RBFOX1: variants seen among roughly 807,000 people sequenced by gnomAD.
RBFOX1 encodes RNA binding fox-1 homolog 1.
Under a neutral mutation model 57.7 loss-of-function variants are expected in RBFOX1, and 8 were observed. That is an observed-to-expected ratio of 0.14 (90% confidence interval 0.08 to 0.25). RBFOX1 has a LOEUF of 0.25. RBFOX1 is among the 10% of genes least tolerant of loss of function. RBFOX1 has a pLI of 1.00. For missense variants in RBFOX1, 611 were observed against 548.5 expected (o/e 1.11, Z -1.14); for synonymous variants, 326 against 222.4 (o/e 1.47, Z -4.15).
intron 4 of RBFOX1, among the ~76,000 whole-genome samples, chr16:7,223,649 C>G (rs993121099): frequency 1.4e-5 from 2 of 145,780 alleles, no homozygotes; most frequent in South Asian, 2.2e-4. Flanking sequence ...ATTTCAGTGT[C>G]TTATGTTTCA....
intron 3 of RBFOX1, among the ~76,000 whole-genome samples, chr16:6,743,411 C>T (rs2072776226): frequency 6.6e-6 from 1 of 152,102 alleles, no homozygotes; most frequent in Non-Finnish European, 1.5e-5. Context: ...AAATTATAGG[C>T]TGTGTTATAA....
intron 3 of RBFOX1, among the ~76,000 whole-genome samples, chr16:7,029,539 A>G (rs1439288847): frequency 6.6e-6 from 1 of 152,020 alleles, no homozygotes; most frequent in East Asian, 1.9e-4. Context: ...TAAGAAATCT[A>G]ATATTTTACC....
Position 6,412,137 on chromosome 16 carries a change from AAAAAAAAC to A in RBFOX1, c.-64+95104_-64+95111del, listed in dbSNP as rs900812828. 1.8e-3 allele frequency among the ~76,000 whole-genome samples: 260 copies of A among 144,522 alleles called. 1 individual carries two copies. Among genetic ancestry groups the A allele is most frequent in the African/African-American group, 5.1e-3 (195 of 38,178 alleles). 94.8% of individuals were successfully genotyped at this position (144,522 alleles called of 152,430 possible). ...AATAGTGCAAGACTCCATGTAAAAAAAAAAAAACAAAAAAACAAAAAAACAAAAAAAAA... is the reference window on the plus strand; with the variant it reads ...AATAGTGCAAGACTCCATGTAAAAAAAAAAAAACAAAAAAACAAAAAAAAA... On this transcript the variant is annotated intron_variant, in intron 2 of 15. Coordinates refer to ENST00000550418, the MANE Select transcript of RBFOX1 (RefSeq NM_018723.4).
At chr16:6,617,593 G>A (rs1012216006) in intron 2 of RBFOX1, among the ~76,000 whole-genome samples, 3 of 152,090 alleles carry the variant, frequency 2.0e-5, no homozygotes, top group African/African-American at 7.2e-5. Context: ...CCACTTACAT[G>A]TGGGGGTTCC....
At chr16:7,363,468 C>T (rs567321812) in intron 4 of RBFOX1, among the ~76,000 whole-genome samples, 27 of 151,376 alleles carry the variant, frequency 1.8e-4, no homozygotes, top group Middle Eastern at 3.4e-3. Flanking sequence ...AATCCTTCCT[C>T]CGAGGTCACC....
At chr16:7,218,605 G>C (rs1251927164) in intron 4 of RBFOX1, among the ~76,000 whole-genome samples, 1 of 149,454 alleles carries the variant, frequency 6.7e-6, no homozygotes, top group Non-Finnish European at 1.5e-5. Context: ...GACGTGATTT[G>C]ACTTAGGGTT....
At chr16:5,736,270 A>G (rs1449479087) in intron 3 of RBFOX1, among the ~76,000 whole-genome samples, 1 of 152,158 alleles carries the variant, frequency 6.6e-6, no homozygotes, top group African/African-American at 2.4e-5. Context: ...TTTGGGAAGT[A>G]TGGGGTATAG....
At chr16:7,409,481 C>T (rs1404117358) in intron 4 of RBFOX1, among the ~76,000 whole-genome samples, 1 of 152,216 alleles carries the variant, frequency 6.6e-6, no homozygotes, top group Non-Finnish European at 1.5e-5. Flanking sequence ...CAGCACAGGG[C>T]TCCTGAACAC....
At chr16:6,780,805 T>G (rs915055019) in intron 3 of RBFOX1, among the ~76,000 whole-genome samples, 1 of 151,972 alleles carries the variant, frequency 6.6e-6, no homozygotes, top group Non-Finnish European at 1.5e-5. Context: ...GAGAATTGTC[T>G]ATTCAGATGT....
At chr16:7,600,815 C>T (rs1380953300) in intron 9 of RBFOX1, among the ~76,000 whole-genome samples, 1 of 152,150 alleles carries the variant, frequency 6.6e-6, no homozygotes, top group African/African-American at 2.4e-5. Context: ...TAGAGGGTTA[C>T]AGTTAATAAC....
intron 4 of RBFOX1, among the ~76,000 whole-genome samples, chr16:7,488,145 C>T (rs559779257): frequency 1.6e-4 from 24 of 152,218 alleles, no homozygotes; most frequent in African/African-American, 4.8e-4. Context: ...TGTGTCCCTG[C>T]GTGATTGTGA....
rs1010828427 is a variant in RBFOX1, at chr16:6,350,409, C to A, written c.-64+33352C>A. ...TGAGCCGAGATCGCACCATTGCGCT[C>A]CAGCCTGGGCAACAAGAGTGAAACT... is the stretch of plus-strand genomic sequence containing the variant. On this transcript the variant is annotated intron_variant, in intron 2 of 15. Coordinates refer to ENST00000550418, the MANE Select transcript of RBFOX1 (RefSeq NM_018723.4). 3.1e-5 allele frequency among the ~76,000 whole-genome samples: 4 copies of A among 127,208 alleles called. No homozygotes were observed. In the South Asian group the frequency reaches 1.0e-3, roughly 33 times the overall value. 83.5% of individuals were successfully genotyped at this position (127,208 alleles called of 152,430 possible). A position where few individuals can be genotyped will look rare whatever the true frequency, so the allele number is the denominator to read the frequency against.
intron 1 of RBFOX1, among the ~76,000 whole-genome samples, chr16:6,101,779 T>A (rs1172169967): frequency 1.3e-5 from 2 of 152,194 alleles, no homozygotes; most frequent in Non-Finnish European, 2.9e-5. Context: ...ATTATTTTTA[T>A]TGTCCTGGAA....
intron 3 of RBFOX1, among the ~76,000 whole-genome samples, chr16:7,037,570 G>T (rs994127389): frequency 2.0e-5 from 3 of 152,144 alleles, no homozygotes; most frequent in Admixed American, 1.3e-4. Context: ...AACAACAAAT[G>T]GACTACTGAA....
chr16:7,552,174 C>G (rs923242732), intron 5 of RBFOX1, among the ~76,000 whole-genome samples: 1 of 152,172 alleles, frequency 6.6e-6, no homozygotes, highest in African/African-American at 2.4e-5. Context: ...CTTCCTTCAT[C>G]CTTAGATTTT....
intron 3 of RBFOX1, among the ~76,000 whole-genome samples, chr16:7,002,379 T>C (rs188944568): frequency 1.9e-4 from 29 of 152,176 alleles, no homozygotes; most frequent in African/African-American, 6.8e-4. Flanking sequence ...GATATGAAGG[T>C]TTTCTGTTTA....
rs75065412 is a variant in RBFOX1, at chr16:5,862,820, G to A, written c.319-4483G>A. 7.1e-3 allele frequency among the ~76,000 whole-genome samples: 1,086 copies of A among 152,248 alleles called. 15 individuals are homozygous for A. Among genetic ancestry groups the A allele is most frequent in the African/African-American group, 0.025 (1,044 of 41,558 alleles). ...TAAAAGTTATACAGGGTAGCCCCAC[G>A]CTGTTCAGCATGGAAGGCACACACC... On this transcript the variant is annotated intron_variant, in intron 3 of 19. Coordinates refer to the RBFOX1 transcript ENST00000641259.
At chr16:6,595,203 A>C (rs1049784377) in intron 2 of RBFOX1, among the ~76,000 whole-genome samples, 3 of 152,200 alleles carry the variant, frequency 2.0e-5, no homozygotes, top group African/African-American at 7.2e-5. Context: ...ATTAGTACTC[A>C]CACCCTGTAC....
intron 4 of RBFOX1, among the ~76,000 whole-genome samples, chr16:7,337,360 C>T (rs896042832): frequency 6.6e-6 from 1 of 152,120 alleles, no homozygotes; most frequent in African/African-American, 2.4e-5. Context: ...TTGAGTTGGG[C>T]TGTGAAGCAT....
Sources: gnomAD v4.1 joint callset for allele counts (sites outside exome capture counted in the v4.1 genomes callset) on GRCh38, gnomAD v4.1.1 for gene constraint, MANE v1.5 for transcripts, NCBI Gene and HGNC (gene_info 2026-07-23, HGNC 2026-07-21) for gene names.